Variants in PMEPA1 observed in about 807,000 individuals in gnomAD.
The protein encoded by PMEPA1 is protein TMEPAI.
In PMEPA1, 11 loss-of-function variants were observed where a neutral mutation model predicts 23.0. That is an observed-to-expected ratio of 0.48 (90% CI 0.30 to 0.79). The LOEUF is 0.79. PMEPA1 is among the 30% of genes least tolerant of loss of function. The pLI, the probability that PMEPA1 is intolerant of heterozygous loss-of-function variation, is 0.06. For synonymous variants in PMEPA1, 204 were observed against 166.4 expected, an observed-to-expected ratio of 1.23 and a Z score of -1.74; for missense variants, 377 against 390.9, an observed-to-expected ratio of 0.96 and a Z score of 0.30.
chr20:57,658,874 C>T (rs2071365323), intron 2 of PMEPA1, among the ~76,000 whole-genome samples: 1 of 152,236 alleles, frequency 6.6e-6, no homozygotes, highest in Admixed American at 6.5e-5. Context: ...ACCTTTCCCA[C>T]CACTACCCCG....
intron 1 of PMEPA1, among the ~76,000 whole-genome samples, chr20:57,681,652 C>A (rs796333667): frequency 3.3e-5 from 5 of 152,206 alleles, no homozygotes; most frequent in Non-Finnish European, 7.3e-5. Flanking sequence ...TCCACCTCCT[C>A]CCCTGCTGGC....
At chr20:57,690,645 C>T (rs548332120) in intron 1 of PMEPA1, 6 of 1,088,558 alleles carry the variant, frequency 5.5e-6, no homozygotes, top group Admixed American at 3.4e-5. Context: ...CCCCAGCCTG[C>T]GCTTCTCCTG....
chr20:57,692,275 T>TA (rs1199499776), intron 1 of PMEPA1, among the ~76,000 whole-genome samples: 1 of 152,236 alleles, frequency 6.6e-6, no homozygotes, highest in Admixed American at 6.5e-5. Context: ...AGGACACTCT[T>TA]ACGTGGTGAC....
intron 1 of PMEPA1, among the ~76,000 whole-genome samples, chr20:57,675,828 ACTGT>A (rs1282522803): frequency 2.0e-5 from 3 of 152,080 alleles, no homozygotes; most frequent in African/African-American, 7.2e-5. Context: ...CCGGTGTGTG[ACTGT>A]CTGGGGTCTA....
At chr20:57,675,798 ATCTG>A (rs950508549) in intron 1 of PMEPA1, among the ~76,000 whole-genome samples, 12 of 152,050 alleles carry the variant, frequency 7.9e-5, no homozygotes, top group Admixed American at 1.3e-4. Context: ...CCTCTGGGGC[ATCTG>A]TCTGTCTGTC....
rs545678998 is a variant in PMEPA1 at position 57,678,687 on chromosome 20, C to T, written c.110-18990G>A. On this transcript the variant is annotated intron_variant, in intron 1 of 3. Coordinates refer to ENST00000341744, the MANE Select transcript of PMEPA1 (RefSeq NM_020182.5). The stretch of plus-strand genomic sequence containing the variant: ...AGGTTTGAAGATTAAATTCTAAACA[C>T]GTCATTTAAAATTTAGAAACGAGGA... 7.9e-5 allele frequency among the ~76,000 whole-genome samples: 12 copies of T among 152,276 alleles called. No homozygotes were observed. In the South Asian group the frequency reaches 1.5e-3, roughly 18 times the overall value.
At chr20:57,688,666 G>A (rs185031641) in intron 1 of PMEPA1, among the ~76,000 whole-genome samples, 2 of 152,182 alleles carry the variant, frequency 1.3e-5, no homozygotes, top group East Asian at 1.9e-4. Context: ...AAGGAATCAC[G>A]GCAAATGCTC....
chr20:57,684,583 A>G (rs1338393038), intron 1 of PMEPA1, among the ~76,000 whole-genome samples: 3 of 152,156 alleles, frequency 2.0e-5, no homozygotes, highest in African/African-American at 7.2e-5. Context: ...GTGATGGGTG[A>G]TTGGGGGGCC....
At position 57,660,833 on chromosome 20, in the gene PMEPA1, C is replaced by T. The variant is rs141184408; in HGVS notation, c.110-1136G>A. 3.5e-3 allele frequency among the ~76,000 whole-genome samples: 538 copies of T among 151,836 alleles called. 1 individual carries two copies. Among genetic ancestry groups the T allele is most frequent in the African/African-American group, 0.012 (496 of 41,430 alleles). ...ACATACTCCAACACTCCTACACACA[C>T]GTCAACACCAACACACGACCCAACA... On this transcript the variant is annotated intron_variant, in intron 1 of 3. Coordinates refer to ENST00000341744, the MANE Select transcript of PMEPA1 (RefSeq NM_020182.5).
intron 1 of PMEPA1, among the ~76,000 whole-genome samples, chr20:57,700,775 C>T (rs1321121295): frequency 6.6e-6 from 1 of 152,240 alleles, no homozygotes; most frequent in African/African-American, 2.4e-5. Flanking sequence ...CACCTGTAAT[C>T]TCAGCACTTT....
chr20:57,710,031 G>A, upstream of PMEPA1: 1 of 997,840 alleles, frequency 1.0e-6, no homozygotes, highest in Non-Finnish European at 1.2e-6. Flanking sequence ...CGCTAGACGG[G>A]GCTGCCGGTT....
intron 1 of PMEPA1, among the ~76,000 whole-genome samples, chr20:57,695,800 ACT>A: frequency 6.6e-6 from 1 of 152,080 alleles, no homozygotes; most frequent in African/African-American, 2.4e-5. Flanking sequence ...AGCGGGCTTA[ACT>A]CTGCCACACC....
intron 1 of PMEPA1, among the ~76,000 whole-genome samples, chr20:57,707,574 A>G (rs73300608): frequency 0.022 from 3,331 of 152,198 alleles, 113 homozygotes; most frequent in African/African-American, 0.069. Flanking sequence ...GCATTTAACA[A>G]GAGGCCTTGA....
rs1478293816 is a variant in PMEPA1, at chr20:57,655,507, C to T, written c.265-2421G>A. 6.6e-6 allele frequency among the ~76,000 whole-genome samples: 1 copy of T among 152,198 alleles called. No individual in the cohort carries two copies. The highest frequency in any genetic ancestry group is 1.5e-5 in the Non-Finnish European group (1 of 68,032). ...TTAAGTGCGGAAGTTGCTGGGTGAC[C>T]CGTGCAAGTCATCTTTGTGGAATTA... On this transcript the variant is annotated intron_variant, in intron 2 of 3. Transcript: ENST00000341744. This position sits in a 1 kb window ranked among gnomAD's most constrained non-coding sequence, Gnocchi z 4.2.
chr20:57,685,353 G>A (rs1292761917), intron 1 of PMEPA1, among the ~76,000 whole-genome samples: 2 of 152,166 alleles, frequency 1.3e-5, no homozygotes, highest in South Asian at 4.1e-4. Context: ...TTGAAATCCC[G>A]CTTTAAATAA....
intron 2 of PMEPA1, among the ~76,000 whole-genome samples, 155 bp from the exon 3 acceptor site, chr20:57,653,241 C>G (rs964174424): frequency 1.3e-5 from 2 of 152,206 alleles, no homozygotes; most frequent in Non-Finnish European, 2.9e-5. Context: ...AGCCCCTGGC[C>G]CTGGGCGCTT....
At chr20:57,675,846 C>T (rs1270927257) in intron 1 of PMEPA1, among the ~76,000 whole-genome samples, 1 of 152,188 alleles carries the variant, frequency 6.6e-6, no homozygotes, top group Non-Finnish European at 1.5e-5. Flanking sequence ...GGGTCTAAAT[C>T]CGTTGAGTCT....
At chr20:57,692,024 C>T (rs2071888956) in intron 1 of PMEPA1, among the ~76,000 whole-genome samples, 1 of 152,236 alleles carries the variant, frequency 6.6e-6, no homozygotes, top group Non-Finnish European at 1.5e-5. Context: ...TCACCCTCTT[C>T]TCCCTTTTCA....
intron 1 of PMEPA1, chr20:57,690,716 G>T: frequency 5.9e-6 from 3 of 512,520 alleles, no homozygotes; most frequent in Non-Finnish European, 8.7e-6. Flanking sequence ...TCTGAGTTTT[G>T]TAAGTGACAC....
Sources: gnomAD v4.1 joint callset for allele counts (sites outside exome capture counted in the v4.1 genomes callset) on GRCh38, gnomAD v4.1.1 for gene constraint, Gnocchi (gnomAD v3.1) non-coding constraint, MANE v1.5 for transcripts, NCBI Gene and HGNC (gene_info 2026-07-23, HGNC 2026-07-21) for gene names.